Variants in A2ML1 observed in about 807,000 individuals in gnomAD.
A2ML1 encodes alpha-2-macroglobulin like 1.
Under a neutral mutation model 181.9 loss-of-function variants are expected in A2ML1, and 161 were observed. The ratio of observed to expected loss-of-function variants is 0.89; its 90% CI spans 0.78 to 1.01. The LOEUF (loss-of-function observed/expected upper bound fraction) is 1.01, where lower values mean the gene tolerates loss of function less well. A2ML1 is among the 50% of genes least tolerant of loss of function. The probability of loss-of-function intolerance (pLI) is 0.00; values close to 1 mark genes in which losing one functional copy is unlikely to be tolerated. For synonymous variants in A2ML1, 663 were observed against 666.8 expected (o/e 0.99, Z 0.09); for missense variants, 1,670 against 1,768.1 (o/e 0.94, Z 1.00).
intron 32 of A2ML1, 134 bp from the exon 33 acceptor site, chr12:8,869,001 G>T: frequency 1.3e-6 from 1 of 793,224 alleles, no homozygotes; most frequent in Non-Finnish European, 2.1e-6. Flanking sequence ...CATGCAACTT[G>T]TAATAGTCTT....
At chr12:8,850,760 CA>C (rs1390356234) in intron 18 of A2ML1, among the ~76,000 whole-genome samples, 2 of 152,030 alleles carry the variant, frequency 1.3e-5, no homozygotes, top group African/African-American at 2.4e-5. Context: ...ATTTTTAAGA[CA>C]GAGTCTTGCT....
chr12:8,872,524 G>A (rs1333378391), intron 33 of A2ML1, among the ~76,000 whole-genome samples: 1 of 152,010 alleles, frequency 6.6e-6, no homozygotes, highest in Non-Finnish European at 1.5e-5. Context: ...GCTCATGCCT[G>A]TAATCCCAGC....
Position 8,845,491 on chromosome 12 carries a change from C to T in A2ML1, c.1526C>T (p.Ser509Phe). The stretch of plus-strand genomic sequence containing the variant: ...ATGGAGGGGCAGAAACACCTGAACT[C>T]TAAGAAGAAAGGTGAGTGTACATGC... ...LVMEGQKHLN[S>F]KKKGLKASFS... Residue 509 changes from serine (S) to phenylalanine (F), a missense_variant, in exon 13 of 36, where the codon TCT (serine) becomes TTT (phenylalanine). Ser to Phe is a radical substitution (Grantham distance 155). Coordinates refer to ENST00000299698, the MANE Select transcript of A2ML1 (RefSeq NM_144670.6). 6.2e-7 allele frequency: 1 copy of T among 1,614,114 alleles called. No individual in the cohort carries two copies. Among genetic ancestry groups the T allele is most frequent in the Non-Finnish European group, 8.5e-7 (1 of 1,179,998 alleles).
rs1196655683 is a variant in A2ML1 at position 8,848,651 on chromosome 12, A to G, written c.1834-69A>G. On this transcript the variant is annotated intron_variant, in intron 15 of 35. Transcript: ENST00000299698. The stretch of plus-strand genomic sequence containing the variant: ...CAGGAGTAGTGAACTGAGCACCAGA[A>G]TCTGAGAGAAGTTTCTCAACTGATA... 5 of 1,327,790 alleles carry G rather than the reference A, an allele frequency of 3.8e-6. No individual in the cohort carries two copies. The East Asian group carries it at 1.2e-4, about 32-fold the overall frequency. The allele number at this position is 1,327,790 out of a possible 1,614,324, so 82.3% of individuals were successfully genotyped here.
intron 7 of A2ML1, 139 bp downstream of exon 7, chr12:8,836,478 G>C: frequency 1.6e-4 from 77 of 483,666 alleles, no homozygotes; most frequent in East Asian, 4.3e-4. Flanking sequence ...GCTTATCCAA[G>C]ACCTTTTTTT....
At chr12:8,877,293 G>A (rs1444152469), downstream of A2ML1, among the ~76,000 whole-genome samples, 1 of 152,174 alleles carries the variant, frequency 6.6e-6, no homozygotes. Flanking sequence ...TGACTGAAAA[G>A]TCAGGGAAAA....
chr12:8,831,149 G>A (rs775014259), intron 4 of A2ML1, among the ~76,000 whole-genome samples: 1 of 151,804 alleles, frequency 6.6e-6, no homozygotes, highest in Non-Finnish European at 1.5e-5. Flanking sequence ...TGTGGGGGGC[G>A]GGGGTCTCAC....
downstream of A2ML1, among the ~76,000 whole-genome samples, chr12:8,876,971 T>TCAACCAGCCCG (rs973923430): frequency 6.6e-6 from 1 of 152,136 alleles, no homozygotes; most frequent in Non-Finnish European, 1.5e-5. Context: ...GGGGCTCTGC[T>TCAACCAGCCCG]CAACCAGCCC....
At chr12:8,886,007 A>ATC (rs200355543) in intron 7 of A2ML1, among the ~76,000 whole-genome samples, 244 of 64,752 alleles carry the variant, frequency 3.8e-3, no homozygotes, top group African/African-American at 0.011. Flanking sequence ...CTTCAACAAT[A>ATC]TCTCACACAC....
intron 2 of A2ML1, 38 bp from the exon 3 acceptor site, chr12:8,823,682 T>C (rs762328487): frequency 3.5e-5 from 56 of 1,597,062 alleles, no homozygotes; most frequent in Non-Finnish European, 4.3e-5. Context: ...GTTCCCCCAA[T>C]CCCTTACCCC....
chr12:8,828,845 C>T (rs1048232905), intron 3 of A2ML1, among the ~76,000 whole-genome samples: 3 of 152,188 alleles, frequency 2.0e-5, no homozygotes, highest in African/African-American at 7.2e-5. Context: ...GGGCAGTTCA[C>T]CCCTGGCTAA....
intron 3 of A2ML1, among the ~76,000 whole-genome samples, chr12:8,829,089 G>A (rs1364440228): frequency 6.6e-6 from 1 of 152,172 alleles, no homozygotes; most frequent in Non-Finnish European, 1.5e-5. Flanking sequence ...CTCTTTCAGT[G>A]ATATAAAGTT....
At chr12:8,854,350 A>G in intron 21 of A2ML1, 101 bp downstream of exon 21, 1 of 1,469,458 alleles carries the variant, frequency 6.8e-7, no homozygotes, top group South Asian at 1.5e-5. Flanking sequence ...CTCCAGTCCA[A>G]CCAGGCAGCT....
chr12:8,880,027 T>C (rs377132786), downstream of A2ML1, among the ~76,000 whole-genome samples: 6 of 152,116 alleles, frequency 3.9e-5, no homozygotes, highest in East Asian at 7.7e-4. Context: ...AAATTAACAG[T>C]TATAATACAG....
chr12:8,845,207 C>T, intron 12 of A2ML1: 1 of 1,535,626 alleles, frequency 6.5e-7, no homozygotes, highest in African/African-American at 1.4e-5. Context: ...TCAGACTCCT[C>T]CCATCCACCT....
rs764626703 is a variant in A2ML1 at position 8,847,718 on chromosome 12, C to T, written c.1833+20C>T. 3 of 1,602,428 alleles carry T rather than the reference C, an allele frequency of 1.9e-6. No individual in the cohort carries two copies. The South Asian group carries it at 3.4e-5, about 18-fold the overall frequency. Reference sequence around the variant, plus strand: ...CGCTCTGTGAGTAACTGTCTGCTGACAGAGTGGGAGGAGGGAGTTGATGGA... The same window carrying T: ...CGCTCTGTGAGTAACTGTCTGCTGATAGAGTGGGAGGAGGGAGTTGATGGA... On this transcript the variant is annotated intron_variant, in intron 15 of 35. Transcript: ENST00000299698.
In A2ML1 at chr12:8,863,827, C is replaced by T. The variant is rs773958165; in HGVS notation, c.3536C>T (p.Pro1179Leu). The change falls in exon 29 of 36, where the codon CCA becomes CTA. Residue 1179 changes from proline (P) to leucine (L), a missense_variant. Transcript: ENST00000299698. Reference protein sequence around the residue: ...ESIYWSQKPTPSSNASPWSEP... With the variant: ...ESIYWSQKPTLSSNASPWSEP... ...ATTTACTGGAGCCAGAAACCTACTC[C>T]ATCATCGAACGCCAGCCCTTGGTCT... 7 of 1,614,226 alleles carry T rather than the reference C, an allele frequency of 4.3e-6. No individual in the cohort carries two copies. The highest frequency in any genetic ancestry group is 5.9e-6 in the Non-Finnish European group (7 of 1,180,018).
chr12:8,837,379 G>A, intron 7 of A2ML1, 61 bp from the exon 8 acceptor site: 7 of 1,598,482 alleles, frequency 4.4e-6, no homozygotes, highest in Non-Finnish European at 5.1e-6. Context: ...GGTGTTTGAG[G>A]GAAGAGTTGG....
chr12:8,841,635 T>C, intron 11 of A2ML1, 99 bp downstream of exon 11: 1 of 1,267,184 alleles, frequency 7.9e-7, no homozygotes, highest in Non-Finnish European at 1.1e-6. Flanking sequence ...TGCTTGGAAT[T>C]ACATCTTTCT....
Sources: gnomAD v4.1 joint callset for allele counts (sites outside exome capture counted in the v4.1 genomes callset) on GRCh38, gnomAD v4.1.1 for gene constraint, MANE v1.5 for transcripts, NCBI Gene and HGNC (gene_info 2026-07-23, HGNC 2026-07-21) for gene names.